Variants in SDK2 observed in about 807,000 individuals in gnomAD.
SDK2 encodes the protein protein sidekick-2.
In SDK2, 105 loss-of-function variants were observed where a neutral mutation model predicts 253.9. The ratio of observed to expected loss-of-function variants is 0.41; its 90% CI spans 0.35 to 0.49. SDK2 has a LOEUF of 0.49. Ranked by LOEUF, SDK2 falls within the 20% of genes least tolerant of loss-of-function variation. The pLI is 0.06. For missense variants in SDK2, 2,608 were observed against 3,003.0 expected, an observed-to-expected ratio of 0.87 and a Z score of 3.07; for synonymous variants, 1,249 against 1,234.9, an observed-to-expected ratio of 1.01 and a Z score of -0.24.
At chr17:73,626,374 C>G (rs78410422) in intron 1 of SDK2, among the ~76,000 whole-genome samples, 30 of 152,358 alleles carry the variant, frequency 2.0e-4, no homozygotes, top group Non-Finnish European at 4.0e-4. Flanking sequence ...CACCCAAACC[C>G]CAAGGGCTGG....
chr17:73,545,205 T>C (rs1199091472), intron 1 of SDK2, among the ~76,000 whole-genome samples: 1 of 151,422 alleles, frequency 6.6e-6, no homozygotes, highest in Non-Finnish European at 1.5e-5. Flanking sequence ...CCCCTGGAAA[T>C]CCCTTCCTTT....
At position 73,559,573 on chromosome 17, in the gene SDK2, C is replaced by T. The variant is rs9911965; in HGVS notation, c.65-51976G>A. On this transcript the variant is annotated intron_variant, in intron 1 of 44. Transcript: ENST00000392650. Reference sequence around the variant, plus strand: ...GGTGTGGGGGCAAGCTCTGTCCATCCGCCACTCCCCACTCCGCTCCCTGTG... The same window carrying T: ...GGTGTGGGGGCAAGCTCTGTCCATCTGCCACTCCCCACTCCGCTCCCTGTG... 4.6e-3 allele frequency among the ~76,000 whole-genome samples: 696 copies of T among 151,552 alleles called. 9 individuals carry two copies. The highest frequency in any genetic ancestry group is 0.015 in the African/African-American group (597 of 41,142).
rs869121884 is a variant in SDK2 at position 73,419,879 on chromosome 17, CAAAAAA to C, written c.2046-579_2046-574del. Reference sequence around the variant, plus strand: ...AGCCTGGGAAACAGAGACCCTGTCTCAAAAAAAAAAAAAAAATTAATGTACATGTTT... The same window carrying C: ...AGCCTGGGAAACAGAGACCCTGTCTCAAAAAAAAAATTAATGTACATGTTT... On this transcript the variant is annotated intron_variant, in intron 15 of 44. Transcript: ENST00000392650. 3.1e-3 allele frequency among the ~76,000 whole-genome samples: 382 copies of C among 122,886 alleles called. 2 individuals carry two copies. The highest frequency in any genetic ancestry group is 0.011 in the African/African-American group (373 of 33,982). The allele number at this position is 122,886 out of a possible 152,430, so 80.6% of individuals were successfully genotyped here.
At chr17:73,593,192 T>TG (rs149040608) in intron 1 of SDK2, among the ~76,000 whole-genome samples, 2 of 152,144 alleles carry the variant, frequency 1.3e-5, no homozygotes, top group Non-Finnish European at 2.9e-5. Context: ...TCTGTGCCAC[T>TG]GGGGGGCTGT....
intron 3 of SDK2, among the ~76,000 whole-genome samples, chr17:73,460,955 G>T (rs1033089008): frequency 3.3e-5 from 5 of 152,150 alleles, no homozygotes; most frequent in Non-Finnish European, 7.4e-5. Flanking sequence ...GCTCCATTTT[G>T]CTGGTGAGGA....
intron 1 of SDK2, among the ~76,000 whole-genome samples, chr17:73,586,084 T>C (rs529624726): frequency 7.2e-5 from 11 of 152,330 alleles, no homozygotes; most frequent in African/African-American, 2.6e-4. Context: ...AAAAATGTTC[T>C]ACCAGCCTCA....
At chr17:73,355,402 C>T (rs369732966) in intron 40 of SDK2, among the ~76,000 whole-genome samples, 224 of 150,984 alleles carry the variant, frequency 1.5e-3, no homozygotes, top group South Asian at 0.012. Context: ...GCTGGAGTGC[C>T]GTGACACGAT....
Position 73,438,096 on chromosome 17 carries a change from T to C in SDK2, c.784A>G (p.Ile262Val). Reference protein sequence around the residue: ...KKDGVLLSGGISDHNRRLTIP... With the variant: ...KKDGVLLSGGVSDHNRRLTIP... ...GTGAGCCGGCGGTTGTGGTCACTGA[T>C]GCCGCCCGACAGCAATACCCCGTCC... is the stretch of plus-strand genomic sequence containing the variant. Residue 262 changes from isoleucine to valine, a missense_variant, in exon 7 of 45, where the codon ATC becomes GTC. Ile to Val is a conservative substitution (Grantham distance 29, BLOSUM62 3). Coordinates refer to ENST00000392650, the MANE Select transcript of SDK2 (RefSeq NM_001144952.2). The C allele has an allele frequency of 6.4e-7, 1 of 1,551,688 alleles. No homozygotes were observed.
rs747489066 is a variant in SDK2 at position 73,398,372 on chromosome 17, G to C, written c.3151C>G (p.Pro1051Ala). 2 of 1,613,980 alleles carry C rather than the reference G, an allele frequency of 1.2e-6. No homozygotes were observed. The highest frequency in any genetic ancestry group is 2.2e-5 in the South Asian group (2 of 91,088). Residue 1051 changes from proline (P) to alanine (A), a missense_variant, in exon 23 of 45, where the codon CCC becomes GCC. Pro to Ala is a conservative substitution (Grantham distance 27). Coordinates refer to ENST00000392650, the MANE Select transcript of SDK2 (RefSeq NM_001144952.2). Reference sequence around the variant, plus strand: ...GGCACCTCCATGGAGCGGGCATCGGGCTCATTGGAGAGCTGGTGGATCAGC... The same window carrying C: ...GGCACCTCCATGGAGCGGGCATCGGCCTCATTGGAGAGCTGGTGGATCAGC... ...WLLIHQLSNE[P>A]DARSMEVPDL...
chr17:73,622,290 C>T (rs77598565), intron 1 of SDK2, among the ~76,000 whole-genome samples: 3,084 of 152,280 alleles, frequency 0.02, 98 homozygotes, highest in African/African-American at 0.071. Context: ...GTCAGCAACA[C>T]GTTGGAAAGG....
intron 1 of SDK2, among the ~76,000 whole-genome samples, chr17:73,600,868 C>A (rs2045828393): frequency 6.6e-6 from 1 of 152,206 alleles, no homozygotes; most frequent in Admixed American, 6.5e-5. Flanking sequence ...GCATTCCAAT[C>A]TCTGCTCCGG....
intron 1 of SDK2, among the ~76,000 whole-genome samples, chr17:73,613,738 T>C (rs561985244): frequency 6.6e-6 from 1 of 151,548 alleles, no homozygotes; most frequent in Non-Finnish European, 1.5e-5. Context: ...CTATTTTGGG[T>C]CCACAGCAGG....
At chr17:73,589,218 G>C (rs962895865) in intron 1 of SDK2, among the ~76,000 whole-genome samples, 2 of 152,256 alleles carry the variant, frequency 1.3e-5, no homozygotes, top group African/African-American at 4.8e-5. Context: ...AGAAATTCAC[G>C]CTCCAGCTCA....
At chr17:73,538,364 C>A (rs971054426) in intron 1 of SDK2, among the ~76,000 whole-genome samples, 1 of 152,100 alleles carries the variant, frequency 6.6e-6, no homozygotes, top group South Asian at 2.1e-4. Context: ...CTCCCCTTAC[C>A]AGCTTTCCCT....
At position 73,404,736 on chromosome 17, in the gene SDK2, T is replaced by A. The variant is rs372337093; in HGVS notation, c.2485-2595A>T. On this transcript the variant is annotated intron_variant, in intron 18 of 44. Transcript: ENST00000392650. Reference sequence around the variant, plus strand: ...TTCAGTGTTGATTTACCATACTAGGTCCTTAGTCTCAGGTTCTAAGTAGAC... The same window carrying A: ...TTCAGTGTTGATTTACCATACTAGGACCTTAGTCTCAGGTTCTAAGTAGAC... Among the ~76,000 whole-genome samples the A allele has an allele frequency of 8.5e-5, 13 of 152,262 alleles. No homozygotes were observed. In the East Asian group the frequency reaches 1.4e-3, roughly 16 times the overall value.
chr17:73,449,376 T>C (rs549244236), intron 4 of SDK2, among the ~76,000 whole-genome samples: 1 of 152,282 alleles, frequency 6.6e-6, no homozygotes, highest in Admixed American at 6.5e-5. Flanking sequence ...ATTTTCCCAT[T>C]AGGTGAATGT....
Position 73,380,890 on chromosome 17 carries a change from T to C in SDK2, c.4762+4A>G. The stretch of plus-strand genomic sequence containing the variant: ...CGATGAAGCCACCATGCAAGGAGAC[T>C]TACTGTCCAGCTCGTACTGCGTGAG... On this transcript the variant is annotated splice_donor_region_variant and intron_variant, in intron 34 of 44. Transcript: ENST00000392650. 6.4e-7 allele frequency: 1 copy of C among 1,565,408 alleles called. No homozygotes were observed. Among genetic ancestry groups the C allele is most frequent in the Non-Finnish European group, 8.7e-7 (1 of 1,154,974 alleles).
At chr17:73,405,201 G>T (rs1359913044) in intron 18 of SDK2, among the ~76,000 whole-genome samples, 1 of 136,828 alleles carries the variant, frequency 7.3e-6, no homozygotes, top group Non-Finnish European at 1.6e-5. Flanking sequence ...CCAGCAATTG[G>T]GGAGGCCAAT....
intron 1 of SDK2, among the ~76,000 whole-genome samples, chr17:73,599,778 G>A (rs904450486): frequency 1.3e-5 from 2 of 152,144 alleles, no homozygotes; most frequent in African/African-American, 4.8e-5. Flanking sequence ...CTGTGCCACA[G>A]TCCTTGCCAG....
Sources: allele counts gnomAD v4.1 joint callset (sites outside exome capture counted in the v4.1 genomes callset), GRCh38; gene constraint gnomAD v4.1.1; transcripts MANE v1.5; gene names NCBI Gene and HGNC (gene_info 2026-07-23, HGNC 2026-07-21).